The following ABCA4 variants were observed in gnomAD, a reference collection of about 807,000 sequenced individuals.
The protein encoded by ABCA4 is retinal-specific phospholipid-transporting ATPase ABCA4.
ABCA4 carries 196 observed loss-of-function variants against 263.7 expected under a neutral mutation model. The observed-to-expected ratio is 0.74, with a 90% CI of 0.66 to 0.84. ABCA4 has a LOEUF of 0.84. Among genes scored for constraint, ABCA4 ranks in the 40% least tolerant of loss-of-function variants. ABCA4 has a pLI of 0.00. For missense variants in ABCA4, 2,792 were observed against 2,855.1 expected (o/e 0.98, Z 0.50); for synonymous variants, 1,133 against 1,094.2 (o/e 1.04, Z -0.70).
intron 1 of ABCA4, among the ~76,000 whole-genome samples, chr1:94,116,981 T>TCTTTCTTTCTTTCTTG (rs1662792416): frequency 3.6e-5 from 4 of 112,214 alleles, no homozygotes. Context: ...TTTCTTTCTT[T>TCTTTCTTTCTTTCTTG]CTTTCTTTCT....
chr1:94,045,241 G>A (rs188922103), intron 19 of ABCA4, among the ~76,000 whole-genome samples: 77 of 151,834 alleles, frequency 5.1e-4, no homozygotes, highest in South Asian at 1.5e-3. Flanking sequence ...TTAATTGATC[G>A]AAGCCAGGCA....
chr1:94,111,352 C>A, intron 3 of ABCA4, 86 bp downstream of exon 3: 2 of 1,539,014 alleles, frequency 1.3e-6, no homozygotes, highest in Non-Finnish European at 1.8e-6. Flanking sequence ...CTCAGTGCTC[C>A]ATGCTCCGTG....
intron 33 of ABCA4, 23 bp downstream of exon 33, chr1:94,021,823 A>G: frequency 1.2e-6 from 2 of 1,613,246 alleles, no homozygotes; most frequent in Non-Finnish European, 1.7e-6. Flanking sequence ...AATCCTACTC[A>G]AATCTCCAGT....
At chr1:94,023,791 ACT>A (rs1233492303) in intron 31 of ABCA4, among the ~76,000 whole-genome samples, 6 of 151,942 alleles carry the variant, frequency 3.9e-5, no homozygotes, top group African/African-American at 1.5e-4. Context: ...CAAAAATGAG[ACT>A]CTAACAACCA....
rs1462029004 is a variant in ABCA4, at chr1:94,039,933, T to C, written c.3607+110A>G. On this transcript the variant is annotated intron_variant, in intron 24 of 49. Transcript: ENST00000370225. ...AGAACAACTGTGTGACCTGCAGAAGTACCCAGTGTTCTCTTTGCTCCCATT... is the reference window on the plus strand; with the variant it reads ...AGAACAACTGTGTGACCTGCAGAAGCACCCAGTGTTCTCTTTGCTCCCATT... The C allele has an allele frequency of 2.0e-5, 17 of 869,500 alleles. No homozygotes were observed. In the Admixed American group the frequency reaches 3.4e-4, roughly 17 times the overall value. 53.9% of individuals were successfully genotyped at this position (869,500 alleles called of 1,614,324 possible).
chr1:94,087,041 G>A (rs894827030), intron 6 of ABCA4, among the ~76,000 whole-genome samples: 1 of 152,194 alleles, frequency 6.6e-6, no homozygotes, highest in African/African-American at 2.4e-5. Context: ...TTCTCTCTGT[G>A]TCTTCATATG....
At chr1:94,076,513 T>C (rs1172539051) in intron 11 of ABCA4, among the ~76,000 whole-genome samples, 6 of 152,080 alleles carry the variant, frequency 3.9e-5, no homozygotes, top group Non-Finnish European at 7.4e-5. Context: ...CTCTAATAAA[T>C]GGGCAATGAA....
At chr1:94,037,409 G>GGTTACCC (rs1170245063) in intron 24 of ABCA4, 59 bp from the exon 25 acceptor site, 1 of 1,520,214 alleles carries the variant, frequency 6.6e-7, no homozygotes, top group African/African-American at 1.4e-5. Context: ...AAGACTGTGA[G>GGTTACCC]GTTACCCAGA....
Position 94,027,125 on chromosome 1 carries a change from G to A in ABCA4, c.4540-2077C>T, listed in dbSNP as rs149945799. ...GCGCGCACAGCTCCTGTGCATATGC[G>A]TGGCATTCAGTTTTGCTCCAATGGA... On this transcript the variant is annotated intron_variant, in intron 30 of 49. Coordinates refer to ENST00000370225, the MANE Select transcript of ABCA4 (RefSeq NM_000350.3). Among the ~76,000 whole-genome samples, 757 of 152,290 alleles carry A rather than the reference G, an allele frequency of 5.0e-3. 3 individuals are homozygous for A. The highest frequency in any genetic ancestry group is 8.9e-3 in the Non-Finnish European group (605 of 68,014).
At position 94,033,232 on chromosome 1, in the gene ABCA4, C is replaced by T. The variant is rs117486773; in HGVS notation, c.3863-1189G>A. On this transcript the variant is annotated intron_variant, in intron 26 of 49. Coordinates refer to ENST00000370225, the MANE Select transcript of ABCA4 (RefSeq NM_000350.3). ...CCCAGGAGTTTCAGATCAGCCTGTA[C>T]AACATAGGGAGACCCTGTCTCTACA... is the stretch of plus-strand genomic sequence containing the variant. Among the ~76,000 whole-genome samples the T allele has an allele frequency of 1.1e-3, 160 of 152,064 alleles. 2 individuals carry two copies. In the East Asian group the frequency reaches 0.03, roughly 28 times the overall value.
chr1:94,073,741 G>A (rs555740585), intron 11 of ABCA4, among the ~76,000 whole-genome samples: 1 of 152,224 alleles, frequency 6.6e-6, no homozygotes, highest in South Asian at 2.1e-4. Flanking sequence ...GCTGCATTAG[G>A]AACAAGCTGC....
At position 94,019,642 on chromosome 1, in the gene ABCA4, G is replaced by A; in HGVS notation, c.5136C>T (p.Leu1712=). The A allele has an allele frequency of 6.2e-7, 1 of 1,612,586 alleles. No homozygotes were observed. Among genetic ancestry groups the A allele is most frequent in the Non-Finnish European group, 8.5e-7 (1 of 1,179,328 alleles). The change falls in exon 36 of 50, where the codon CTC becomes CTT. Residue 1712 remains leucine (L), a synonymous_variant. Coordinates refer to ENST00000370225, the MANE Select transcript of ABCA4 (RefSeq NM_000350.3). ...TGGGGCTCACTCCACTGATAAACTG[G>A]AGGTGCTTGGATTTGTTCACCCGCT... ...IQERVNKSKH[L]QFISGVSPTT...
Position 94,083,404 on chromosome 1 carries a change from T to C in ABCA4, c.806A>G (p.Asn269Ser), listed in dbSNP as rs1338260475. ...TAATATTCCTCCCCAAGATCTCAGATTGATACCTTGAGAACGGCTGTCTAG... is the reference window on the plus strand; with the variant it reads ...TAATATTCCTCCCCAAGATCTCAGACTGATACCTTGAGAACGGCTGTCTAG... ...TLLDSRSQGI[N>S]LRSWGGILSD... is the part of the protein sequence containing the mutation. Residue 269 changes from asparagine (N) to serine (S), a missense_variant, in exon 7 of 50, where the codon AAT (asparagine) becomes AGT (serine). Coordinates refer to ENST00000370225, the MANE Select transcript of ABCA4 (RefSeq NM_000350.3). 6 of 1,613,850 alleles carry C rather than the reference T, an allele frequency of 3.7e-6. No homozygotes were observed. Among genetic ancestry groups the C allele is most frequent in the East Asian group, 2.2e-5 (1 of 44,870 alleles).
intron 6 of ABCA4, among the ~76,000 whole-genome samples, chr1:94,094,621 G>A (rs1662072284): frequency 6.6e-6 from 1 of 152,186 alleles, no homozygotes; most frequent in African/African-American, 2.4e-5. Context: ...AGCATGGCAG[G>A]TCTTGGCACC....
In ABCA4 at chr1:94,001,113, G is replaced by A. The variant is rs371076070; in HGVS notation, c.6283-8C>T. 4.1e-5 allele frequency: 66 copies of A among 1,610,094 alleles called. No homozygotes were observed. In the African/African-American group the frequency reaches 8.0e-4, roughly 20 times the overall value. On this transcript the variant is annotated splice_region_variant and splice_polypyrimidine_tract_variant and intron_variant, in intron 45 of 49. Transcript: ENST00000370225. ...CCCTGTGGTGGGCTCATCCTGGGGG[G>A]TGGAGAGAAGGTTGGGGGCACAGGC...
Position 94,060,716 on chromosome 1 carries a change from G to A in ABCA4, c.1981C>T (p.Leu661=). ...LNRCFPIFMV[L]AWIYSVSMTV... ...ATGGAGACAGAGTAGATCCATGCCA[G>A]CACCATGAAGATAGGGAAACAGCGG... The change falls in exon 14 of 50, where the codon CTG becomes TTG. Residue 661 remains leucine (L), a synonymous_variant. Transcript: ENST00000370225. 1 of 1,613,918 alleles carries A rather than the reference G, an allele frequency of 6.2e-7. No individual in the cohort carries two copies. Among genetic ancestry groups the A allele is most frequent in the Non-Finnish European group, 8.5e-7 (1 of 1,179,914 alleles).
Position 94,078,579 on chromosome 1 carries a change from A to G in ABCA4, c.1356+11T>C. On this transcript the variant is annotated intron_variant, in intron 10 of 49. Transcript: ENST00000370225. Reference sequence around the variant, plus strand: ...CCTCCCCTCCCCTCCCCATCCTCCAACCCCCCTTACTCTGATCATGTTCAT... The same window carrying G: ...CCTCCCCTCCCCTCCCCATCCTCCAGCCCCCCTTACTCTGATCATGTTCAT... 8.9e-7 allele frequency: 1 copy of G among 1,126,820 alleles called. No individual in the cohort carries two copies. The highest frequency in any genetic ancestry group is 1.3e-6 in the Non-Finnish European group (1 of 750,658). The allele number at this position is 1,126,820 out of a possible 1,614,324, so 69.8% of individuals were successfully genotyped here.
chr1:94,060,788 T>A, intron 13 of ABCA4, 29 bp from the exon 14 acceptor site: 1 of 1,528,438 alleles, frequency 6.5e-7, no homozygotes, highest in Non-Finnish European at 9.0e-7. Context: ...AGCAGAATAG[T>A]AGAGTGCTCT....
chr1:94,030,944 A>T, intron 28 of ABCA4, 52 bp downstream of exon 28: 1 of 1,612,602 alleles, frequency 6.2e-7, no homozygotes, highest in Non-Finnish European at 8.5e-7. Flanking sequence ...GCAGCATGTG[A>T]CCCAGGTGCC....
Sources: gnomAD v4.1 joint callset for allele counts (sites outside exome capture counted in the v4.1 genomes callset) on GRCh38, gnomAD v4.1.1 for gene constraint, MANE v1.5 for transcripts, NCBI Gene and HGNC (gene_info 2026-07-23, HGNC 2026-07-21) for gene names.